The following COL4A2 variants were observed in gnomAD, a reference collection of about 807,000 sequenced individuals.
The protein encoded by COL4A2 is collagen alpha-2(IV) chain.
Under a neutral mutation model 200.2 loss-of-function variants are expected in COL4A2, and 99 were observed. The ratio of observed to expected loss-of-function variants is 0.49; its 90% CI spans 0.42 to 0.58. COL4A2 has a LOEUF of 0.58. Among genes scored for constraint, COL4A2 ranks in the 20% least tolerant of loss-of-function variants. The probability of loss-of-function intolerance (pLI) is 0.00; values close to 1 mark genes in which losing one functional copy is unlikely to be tolerated. For missense variants in COL4A2, 1,950 were observed against 2,314.1 expected, an observed-to-expected ratio of 0.84 and a Z score of 3.23; for synonymous variants, 897 against 900.6, an observed-to-expected ratio of 1.00 and a Z score of 0.07.
intron 20 of COL4A2, among the ~76,000 whole-genome samples, chr13:110,452,756 TTTTTATTTTA>T (rs10643752): frequency 2.0e-5 from 3 of 151,234 alleles, no homozygotes; most frequent in Non-Finnish European, 4.4e-5. Context: ...GAACTTTATT[TTTTTATTTTA>T]TTTTATTTTA....
intron 4 of COL4A2, among the ~76,000 whole-genome samples, chr13:110,383,730 C>G (rs1343541500): frequency 6.6e-6 from 1 of 150,956 alleles, no homozygotes; most frequent in Non-Finnish European, 1.5e-5. Context: ...ATTCTCGTGC[C>G]TCAGCCTCCT....
At position 110,340,691 on chromosome 13, in the gene COL4A2, G is replaced by T. The variant is rs139863788; in HGVS notation, c.100-16781G>T. On this transcript the variant is annotated intron_variant, in intron 3 of 47. Transcript: ENST00000360467. ...GTCCTGTAGCTCATGAAGACATTAC[G>T]AAGCACAAAGAACTGCACAGGGACA... Among the ~76,000 whole-genome samples the T allele has an allele frequency of 3.0e-3, 451 of 152,268 alleles. 2 individuals are homozygous for T. The highest frequency in any genetic ancestry group is 0.01 in the African/African-American group (426 of 41,550).
intron 3 of COL4A2, among the ~76,000 whole-genome samples, chr13:110,323,815 G>A (rs575812955): frequency 4.3e-4 from 65 of 152,318 alleles, no homozygotes; most frequent in Middle Eastern, 6.8e-3. Flanking sequence ...CTGGTGGGAG[G>A]AAAGAGAGAG....
intron 6 of COL4A2, among the ~76,000 whole-genome samples, chr13:110,428,038 T>C (rs1238422703): frequency 6.6e-6 from 1 of 152,204 alleles, no homozygotes; most frequent in African/African-American, 2.4e-5. Context: ...GCTTCTAAAA[T>C]CTTTCCTAGA....
Position 110,385,733 on chromosome 13 carries a change from C to T in COL4A2, c.180+28181C>T, listed in dbSNP as rs1239163644. Among the ~76,000 whole-genome samples, 76 of 103,048 alleles carry T rather than the reference C, an allele frequency of 7.4e-4. 1 individual carries two copies. Among genetic ancestry groups the T allele is most frequent in the African/African-American group, 3.0e-3 (72 of 23,752 alleles). The allele number at this position is 103,048 out of a possible 152,430, so 67.6% of individuals were successfully genotyped here. A position where few individuals can be genotyped will look rare whatever the true frequency, so the allele number is the denominator to read the frequency against. On this transcript the variant is annotated intron_variant, in intron 4 of 47. Transcript: ENST00000360467. ...CCGTGGTTACAGTGTGTGGATAGGC[C>T]GTGGTTGCAGTGCGTGGATAGGCCG...
At chr13:110,479,003 C>T (rs1882799175) in intron 30 of COL4A2, among the ~76,000 whole-genome samples, 1 of 152,188 alleles carries the variant, frequency 6.6e-6, no homozygotes, top group African/African-American at 2.4e-5. Context: ...CACTGGCTTC[C>T]CCCATGTGGG....
At chr13:110,391,990 C>T (rs1347701096) in intron 4 of COL4A2, among the ~76,000 whole-genome samples, 1 of 152,176 alleles carries the variant, frequency 6.6e-6, no homozygotes, top group African/African-American at 2.4e-5. Flanking sequence ...GGCCTTCTCT[C>T]CTCTTGGCCC....
At chr13:110,361,931 A>G (rs984147098) in intron 4 of COL4A2, among the ~76,000 whole-genome samples, 1 of 152,336 alleles carries the variant, frequency 6.6e-6, no homozygotes, top group South Asian at 2.1e-4. Flanking sequence ...TTCAGGAGGG[A>G]AATGGCCTCT....
At chr13:110,457,489 T>A in intron 21 of COL4A2, 54 bp downstream of exon 21, 1 of 1,041,572 alleles carries the variant, frequency 9.6e-7, no homozygotes, top group Non-Finnish European at 1.5e-6. Flanking sequence ...TCCAAGTCCC[T>A]CACCTTACAG....
chr13:110,447,042 A>G (rs1013103974), intron 18 of COL4A2, among the ~76,000 whole-genome samples, 178 bp downstream of exon 18: 4 of 152,222 alleles, frequency 2.6e-5, no homozygotes, highest in South Asian at 2.1e-4. Flanking sequence ...TTCATGTACA[A>G]TTTCCCTCAT....
chr13:110,458,122 G>A lies in COL4A2; in HGVS notation c.1433-649G>A, dbSNP rs1483605369. The A allele has an allele frequency of 1.3e-5, 6 of 470,456 alleles. 2 individuals are homozygous for A. Among genetic ancestry groups the A allele is most frequent in the South Asian group, 7.7e-5 (5 of 64,518 alleles). The allele number at this position is 470,456 out of a possible 1,614,324, so 29.1% of individuals were successfully genotyped here. On this transcript the variant is annotated intron_variant, in intron 21 of 47. Coordinates refer to ENST00000360467, the MANE Select transcript of COL4A2 (RefSeq NM_001846.4). Reference sequence around the variant, plus strand: ...TTGGCCGTTTTGGCGTATGTAGGATGTGCAGTGCATTCAGCACCCCGCTGT... The same window carrying A: ...TTGGCCGTTTTGGCGTATGTAGGATATGCAGTGCATTCAGCACCCCGCTGT...
chr13:110,365,899 A>G (rs774256851), intron 4 of COL4A2, among the ~76,000 whole-genome samples: 73 of 152,234 alleles, frequency 4.8e-4, no homozygotes, highest in Non-Finnish European at 9.4e-4. Flanking sequence ...ACACTCCATC[A>G]GATTGACAAG....
intron 4 of COL4A2, among the ~76,000 whole-genome samples, chr13:110,385,932 ACAGCGTGTGGATG>A (rs1878717372): frequency 2.5e-5 from 3 of 122,448 alleles, no homozygotes; most frequent in Admixed American, 1.6e-4. Flanking sequence ...GGCCGTGGTT[ACAGCGTGTGGATG>A]GGCCGTGGTC....
At chr13:110,438,515 G>T (rs759040737) in intron 14 of COL4A2, 103 bp from the exon 15 acceptor site, 2 of 1,460,294 alleles carry the variant, frequency 1.4e-6, no homozygotes, top group African/African-American at 2.8e-5. Flanking sequence ...ACACCATCGG[G>T]GCTGAGAACA....
Position 110,491,223 on chromosome 13 carries a change from G to T in COL4A2, c.3347-10G>T. The T allele has an allele frequency of 1.3e-6, 2 of 1,578,528 alleles. No individual in the cohort carries two copies. The highest frequency in any genetic ancestry group is 1.7e-6 in the Non-Finnish European group (2 of 1,158,236). On this transcript the variant is annotated splice_polypyrimidine_tract_variant and intron_variant, in intron 36 of 47. Transcript: ENST00000360467. ...TCTGTTTGTTCCAAGCAGCATGTCT[G>T]TGGTTGCAGGTCTGAAGGGATTCTT...
In COL4A2 at chr13:110,307,401, C is replaced by A; in HGVS notation, c.-172C>A. 1 of 211,866 alleles carries A rather than the reference C, an allele frequency of 4.7e-6. No homozygotes were observed. The highest frequency in any genetic ancestry group is 9.3e-6 in the Non-Finnish European group (1 of 107,656). The allele number at this position is 211,866 out of a possible 1,614,324, so 13.1% of individuals were successfully genotyped here. A position where few individuals can be genotyped will look rare whatever the true frequency, so the allele number is the denominator to read the frequency against. ...GATCCAGGCCGAGGACCGAAAGGGG[C>A]CGCCCGAGCCCCCGGGGCCGGCGCC... is the stretch of plus-strand genomic sequence containing the variant. On this transcript the variant is annotated 5_prime_UTR_variant, in exon 1 of 48. Coordinates refer to ENST00000360467, the MANE Select transcript of COL4A2 (RefSeq NM_001846.4). The surrounding 1 kb of genome is among the most constrained non-coding windows in gnomAD (Gnocchi z 5.0).
At chr13:110,322,982 G>A (rs1171841735) in intron 3 of COL4A2, among the ~76,000 whole-genome samples, 1 of 152,242 alleles carries the variant, frequency 6.6e-6, no homozygotes, top group Non-Finnish European at 1.5e-5. Flanking sequence ...CTAACAAAGG[G>A]CGTGTTGCCA....
chr13:110,345,952 C>G (rs1421145702), intron 3 of COL4A2, among the ~76,000 whole-genome samples: 5 of 152,156 alleles, frequency 3.3e-5, no homozygotes, highest in African/African-American at 1.2e-4. Flanking sequence ...AGCTGTGTGT[C>G]CACTTCATGA....
At chr13:110,505,672 G>A (rs548497322) in intron 45 of COL4A2, among the ~76,000 whole-genome samples, 9 of 152,200 alleles carry the variant, frequency 5.9e-5, no homozygotes, top group African/African-American at 1.7e-4. Context: ...AGCCACCCCC[G>A]TGTGCTCCTC....
Sources: allele counts gnomAD v4.1 joint callset (sites outside exome capture counted in the v4.1 genomes callset), GRCh38; gene constraint gnomAD v4.1.1; non-coding constraint Gnocchi (gnomAD v3.1); transcripts MANE v1.5; gene names NCBI Gene and HGNC (gene_info 2026-07-23, HGNC 2026-07-21).